The following PSMB2 variants were observed in gnomAD, a reference collection of about 807,000 sequenced individuals.
PSMB2 encodes the protein proteasome 20S subunit beta 2, also known as proteasome subunit beta type-2.
Under a neutral mutation model 25.7 loss-of-function variants are expected in PSMB2, and 13 were observed. The observed-to-expected ratio is 0.51, with a 90% CI of 0.33 to 0.80. PSMB2 has a LOEUF of 0.80. Ranked by LOEUF, PSMB2 falls within the 30% of genes least tolerant of loss-of-function variation. PSMB2 has a pLI of 0.02. For missense variants in PSMB2, 202 were observed against 259.0 expected (o/e 0.78, Z 1.51); for synonymous variants, 87 against 96.2 (o/e 0.90, Z 0.56).
chr1:35,603,776 G>T (rs988914693), intron 5 of PSMB2, among the ~76,000 whole-genome samples: 9 of 152,198 alleles, frequency 5.9e-5, no homozygotes, highest in Admixed American at 5.2e-4. Flanking sequence ...GAGGCCAGGA[G>T]CTGTGGCTCA....
In PSMB2 at chr1:35,624,801, G is replaced by C. The variant is rs191023409; in HGVS notation, c.285+6473C>G. Among the ~76,000 whole-genome samples, 933 of 151,966 alleles carry C rather than the reference G, an allele frequency of 6.1e-3. 10 individuals are homozygous for C. The highest frequency in any genetic ancestry group is 0.022 in the African/African-American group (893 of 41,460). Reference sequence around the variant, plus strand: ...AAAAACGCCAGGCACGGTGGCTCACGCCTGTAATCCCAGCACTTTGGGAGG... The same window carrying C: ...AAAAACGCCAGGCACGGTGGCTCACCCCTGTAATCCCAGCACTTTGGGAGG... On this transcript the variant is annotated intron_variant, in intron 3 of 5. Coordinates refer to ENST00000373237, the MANE Select transcript of PSMB2 (RefSeq NM_002794.5).
chr1:35,602,888 T>C lies in PSMB2; in HGVS notation c.*379A>G. On this transcript the variant is annotated 3_prime_UTR_variant, in exon 6 of 6. Transcript: ENST00000373237. The stretch of plus-strand genomic sequence containing the variant: ...TAATTCAGGTTAATTAATTTAAAAA[T>C]TTAAGTTTAAGGGCAAAAAGAACCA... 3.1e-6 allele frequency: 3 copies of C among 968,444 alleles called. No homozygotes were observed. Among genetic ancestry groups the C allele is most frequent in the Non-Finnish European group, 3.7e-6 (3 of 809,920 alleles). 60.0% of individuals were successfully genotyped at this position (968,444 alleles called of 1,614,324 possible).
rs1650843955 is a variant in PSMB2, at chr1:35,625,810, A to G, written c.285+5464T>C. On this transcript the variant is annotated intron_variant, in intron 3 of 5. Coordinates refer to ENST00000373237, the MANE Select transcript of PSMB2 (RefSeq NM_002794.5). The stretch of plus-strand genomic sequence containing the variant: ...GCCCCATAACTCATCATCCTCTGAC[A>G]TTAGTCAAACTGTAAGGAGAATTTG... Among the ~76,000 whole-genome samples, 5 of 151,916 alleles carry G rather than the reference A, an allele frequency of 3.3e-5. No homozygotes were observed. In the South Asian group the frequency reaches 8.3e-4, roughly 25 times the overall value.
intron 5 of PSMB2, 50 bp from the exon 6 acceptor site, chr1:35,603,424 A>G (rs371333832): frequency 6.2e-6 from 10 of 1,600,784 alleles, no homozygotes; most frequent in African/African-American, 1.3e-5. Context: ...ACTAAGTTCT[A>G]TGTGCCAGGC....
intron 3 of PSMB2, among the ~76,000 whole-genome samples, chr1:35,631,006 TA>T: frequency 6.6e-6 from 1 of 151,118 alleles, no homozygotes; most frequent in East Asian, 1.9e-4. Context: ...AAATAGTTTT[TA>T]GGGGGAAAAA....
At chr1:35,626,763 G>T (rs1650874914) in intron 3 of PSMB2, among the ~76,000 whole-genome samples, 1 of 152,134 alleles carries the variant, frequency 6.6e-6, no homozygotes, top group Non-Finnish European at 1.5e-5. Context: ...CTTAATAACA[G>T]ATACATATGT....
intron 3 of PSMB2, among the ~76,000 whole-genome samples, chr1:35,610,789 C>G (rs113644556): frequency 6.6e-6 from 1 of 152,172 alleles, no homozygotes; most frequent in Non-Finnish European, 1.5e-5. Flanking sequence ...CCACTGCGCC[C>G]GGCCATAAGT....
chr1:35,632,200 A>T (rs11264181), intron 2 of PSMB2, among the ~76,000 whole-genome samples: 257 of 152,368 alleles, frequency 1.7e-3, no homozygotes, highest in African/African-American at 6.1e-3. Context: ...CAGTATTTTT[A>T]AAAATAGAGT....
intron 4 of PSMB2, among the ~76,000 whole-genome samples, chr1:35,608,672 G>A (rs1035633583): frequency 6.6e-6 from 1 of 152,214 alleles, no homozygotes; most frequent in East Asian, 1.9e-4. Flanking sequence ...CCAAACTGAC[G>A]CTTTACGGAC....
chr1:35,639,707 T>C lies in PSMB2; in HGVS notation c.91+1635A>G, dbSNP rs146149670. Among the ~76,000 whole-genome samples, 499 of 152,326 alleles carry C rather than the reference T, an allele frequency of 3.3e-3. 2 individuals carry two copies. Among genetic ancestry groups the C allele is most frequent in the Non-Finnish European group, 4.5e-3 (308 of 68,034 alleles). ...TGAAACAAAAGACCTGTAAAGATAATGATTATTGTTCTACCTAGACATGAC... is the reference window on the plus strand; with the variant it reads ...TGAAACAAAAGACCTGTAAAGATAACGATTATTGTTCTACCTAGACATGAC... On this transcript the variant is annotated intron_variant, in intron 1 of 5. Coordinates refer to ENST00000373237, the MANE Select transcript of PSMB2 (RefSeq NM_002794.5).
At position 35,602,854 on chromosome 1, in the gene PSMB2, A is replaced by C. The variant is rs557494908; in HGVS notation, c.*413T>G. The stretch of plus-strand genomic sequence containing the variant: ...ACTGTTTGCATGTTACATTAAGTGC[A>C]TGTATTATTAATTCAGGTTAATTAA... On this transcript the variant is annotated 3_prime_UTR_variant, in exon 6 of 6. Transcript: ENST00000373237. 1 of 871,234 alleles carries C rather than the reference A, an allele frequency of 1.1e-6. No homozygotes were observed. Among genetic ancestry groups the C allele is most frequent in the African/African-American group, 1.8e-5 (1 of 54,646 alleles). The allele number at this position is 871,234 out of a possible 1,614,324, so 54.0% of individuals were successfully genotyped here. A position where few individuals can be genotyped will look rare whatever the true frequency, so the allele number is the denominator to read the frequency against.
chr1:35,600,343 A>G lies in PSMB2; in HGVS notation c.*2924T>C. The G allele has an allele frequency of 1.1e-6, 1 of 884,134 alleles. No individual in the cohort carries two copies. Among genetic ancestry groups the G allele is most frequent in the East Asian group, 1.2e-4 (1 of 8,318 alleles). The allele number at this position is 884,134 out of a possible 1,614,324, so 54.8% of individuals were successfully genotyped here. A position where few individuals can be genotyped will look rare whatever the true frequency, so the allele number is the denominator to read the frequency against. ...CTGGTAAAATCTGAATAAAGCCTGGAGCTTAGTAATACTAATACACCAACC... is the reference window on the plus strand; with the variant it reads ...CTGGTAAAATCTGAATAAAGCCTGGGGCTTAGTAATACTAATACACCAACC... On this transcript the variant is annotated 3_prime_UTR_variant, in exon 6 of 6. Transcript: ENST00000373237.
chr1:35,600,747 T>C lies in PSMB2; in HGVS notation c.*2520A>G, dbSNP rs1649968666. 1.0e-6 allele frequency: 1 copy of C among 985,322 alleles called. No homozygotes were observed. The highest frequency in any genetic ancestry group is 1.2e-6 in the Non-Finnish European group (1 of 829,942). The allele number at this position is 985,322 out of a possible 1,614,324, so 61.0% of individuals were successfully genotyped here. ...GGCAAAAAAACACTGAGAGTCAGGA[T>C]GGGTTTGCAGGCTTGCCTGAGATTG... On this transcript the variant is annotated 3_prime_UTR_variant, in exon 6 of 6. Coordinates refer to ENST00000373237, the MANE Select transcript of PSMB2 (RefSeq NM_002794.5).
intron 4 of PSMB2, among the ~76,000 whole-genome samples, chr1:35,605,758 G>C (rs1650150561): frequency 6.6e-6 from 1 of 152,176 alleles, no homozygotes; most frequent in Non-Finnish European, 1.5e-5. Flanking sequence ...CATAGGATGG[G>C]GCTGAGACTC....
intron 3 of PSMB2, among the ~76,000 whole-genome samples, chr1:35,613,137 T>C (rs909235384): frequency 1.3e-5 from 2 of 152,236 alleles, no homozygotes; most frequent in Non-Finnish European, 2.9e-5. Context: ...CTTTTGCATG[T>C]GTGAGATGCT....
intron 3 of PSMB2, among the ~76,000 whole-genome samples, chr1:35,623,526 C>T (rs1173847534): frequency 1.3e-5 from 2 of 152,200 alleles, no homozygotes; most frequent in Non-Finnish European, 2.9e-5. Context: ...TCAAGATGCC[C>T]AGGCTGTGTG....
At position 35,641,419 on chromosome 1, in the gene PSMB2, ATGAGGT is replaced by A; in HGVS notation, c.8_13del (p.Tyr3_Ile5delinsPhe). On this transcript the variant is annotated inframe_deletion, in exon 1 of 6. Coordinates refer to ENST00000373237, the MANE Select transcript of PSMB2 (RefSeq NM_002794.5). Reference sequence around the variant, plus strand: ...AACATAGTCGGGGCCTTGGATACCGATGAGGTACTCCATGGTGGCGGAAGGCCAGGG... The same window carrying A: ...AACATAGTCGGGGCCTTGGATACCGAACTCCATGGTGGCGGAAGGCCAGGG... 1 of 1,614,074 alleles carries A rather than the reference ATGAGGT, an allele frequency of 6.2e-7. No individual in the cohort carries two copies. Among genetic ancestry groups the A allele is most frequent in the Non-Finnish European group, 8.5e-7 (1 of 1,180,016 alleles).
At chr1:35,635,795 C>T (rs960857574) in intron 2 of PSMB2, among the ~76,000 whole-genome samples, 11 of 141,818 alleles carry the variant, frequency 7.8e-5, no homozygotes, top group Non-Finnish European at 1.0e-4. Flanking sequence ...CGCCATTGCA[C>T]TCCAGCCTGG....
chr1:35,605,278 G>A lies in PSMB2; in HGVS notation c.453C>T (p.Ile151=). ...GGAGTTCCACTGCCCTCTCACGTGA[G>A]ATAGCTGAAAGAGAACACAGAGACC... ...SILDRYYTPT[I]SRERAVELLR... The change falls in exon 5 of 6, where the codon ATC becomes ATT. Residue 151 remains isoleucine (I), a synonymous_variant. Coordinates refer to ENST00000373237, the MANE Select transcript of PSMB2 (RefSeq NM_002794.5). The A allele has an allele frequency of 1.2e-6, 2 of 1,613,076 alleles. No individual in the cohort carries two copies. Among genetic ancestry groups the A allele is most frequent in the Non-Finnish European group, 8.5e-7 (1 of 1,179,490 alleles).
Sources: gnomAD v4.1 joint callset for allele counts (sites outside exome capture counted in the v4.1 genomes callset) on GRCh38, gnomAD v4.1.1 for gene constraint, MANE v1.5 for transcripts, NCBI Gene and HGNC (gene_info 2026-07-23, HGNC 2026-07-21) for gene names.